KDM4C: variants seen among roughly 807,000 people sequenced by gnomAD.
KDM4C encodes lysine-specific demethylase 4C.
Under a neutral mutation model 129.3 loss-of-function variants are expected in KDM4C, and 81 were observed. That is an observed-to-expected ratio of 0.63 (90% CI 0.52 to 0.75). The LOEUF is 0.75. Among genes scored for constraint, KDM4C ranks in the 30% least tolerant of loss-of-function variants. KDM4C has a pLI of 0.00. For missense variants in KDM4C, 1,457 were observed against 1,304.0 expected (o/e 1.12, Z -1.81); for synonymous variants, 573 against 456.1 (o/e 1.26, Z -3.26).
intron 19 of KDM4C, among the ~76,000 whole-genome samples, chr9:7,158,787 C>G (rs942340215): frequency 1.3e-5 from 2 of 152,086 alleles, no homozygotes; most frequent in Non-Finnish European, 2.9e-5. Context: ...AGAATAAGTG[C>G]AATGTGGTGT....
intron 8 of KDM4C, among the ~76,000 whole-genome samples, chr9:6,925,972 C>T (rs1415201262): frequency 6.6e-6 from 1 of 152,116 alleles, no homozygotes; most frequent in African/African-American, 2.4e-5. Context: ...CAGTGGCTTC[C>T]GTAAAGTACC....
At chr9:7,076,891 T>G (rs1174103134) in intron 17 of KDM4C, 2 of 991,596 alleles carry the variant, frequency 2.0e-6, no homozygotes, top group Non-Finnish European at 2.4e-6. Flanking sequence ...ATCCTGAGGT[T>G]GTCTCCTGTA....
intron 17 of KDM4C, among the ~76,000 whole-genome samples, chr9:7,052,401 C>T (rs1472964127): frequency 6.6e-6 from 1 of 152,156 alleles, no homozygotes; most frequent in African/African-American, 2.4e-5. Flanking sequence ...GAATAAAAGG[C>T]AGCAAATCAT....
intron 1 of KDM4C, among the ~76,000 whole-genome samples, chr9:6,751,298 T>C (rs1414987526): frequency 1.3e-5 from 2 of 151,976 alleles, no homozygotes; most frequent in Non-Finnish European, 2.9e-5. Context: ...ATACAAAAAT[T>C]AGCCAGGCAT....
chr9:6,727,847 GA>G (rs1817187861), intron 1 of KDM4C, among the ~76,000 whole-genome samples: 2 of 150,084 alleles, frequency 1.3e-5, no homozygotes, highest in African/African-American at 4.9e-5. Flanking sequence ...TTCTCAGTAT[GA>G]AAAACCTGAA....
At chr9:7,055,093 G>A (rs547412322) in intron 17 of KDM4C, among the ~76,000 whole-genome samples, 7 of 152,208 alleles carry the variant, frequency 4.6e-5, no homozygotes, top group African/African-American at 1.7e-4. Flanking sequence ...CAGGAGAATT[G>A]CTTGAACCTG....
At chr9:6,984,545 A>T in intron 10 of KDM4C, 141 bp downstream of exon 10, 3 of 633,808 alleles carry the variant, frequency 4.7e-6, no homozygotes, top group Non-Finnish European at 8.5e-6. Context: ...TGGGTAACTC[A>T]ACCAATAGTC....
chr9:6,839,313 G>A (rs576177561), intron 4 of KDM4C, among the ~76,000 whole-genome samples: 4 of 151,864 alleles, frequency 2.6e-5, no homozygotes, highest in Middle Eastern at 3.4e-3. Context: ...CCCTGCAGCC[G>A]TGACCTCCTG....
At chr9:6,954,088 C>T (rs1185334653) in intron 8 of KDM4C, among the ~76,000 whole-genome samples, 1 of 152,222 alleles carries the variant, frequency 6.6e-6, no homozygotes, top group Non-Finnish European at 1.5e-5. Flanking sequence ...TCATTCTATG[C>T]TCACATCAAA....
rs545970092 is a variant in KDM4C, at chr9:6,779,406, A to G, written c.-17-13566A>G. The stretch of plus-strand genomic sequence containing the variant: ...ACCTGTAAGGCATTCTTGCTGGAGT[A>G]GATCTAGCAGAAGTAGCTTGGGTCT... On this transcript the variant is annotated intron_variant, in intron 1 of 21. Transcript: ENST00000381309. Among the ~76,000 whole-genome samples, 6 of 150,744 alleles carry G rather than the reference A, an allele frequency of 4.0e-5. No individual in the cohort carries two copies. The East Asian group carries it at 9.8e-4, about 25-fold the overall frequency.
At chr9:7,111,466 T>A (rs776270059) in intron 18 of KDM4C, among the ~76,000 whole-genome samples, 5 of 152,334 alleles carry the variant, frequency 3.3e-5, no homozygotes, top group Non-Finnish European at 5.9e-5. Context: ...ATTATCTTTT[T>A]ATTTTTTTTT....
intron 17 of KDM4C, among the ~76,000 whole-genome samples, chr9:7,064,075 A>G (rs1832079018): frequency 1.3e-5 from 2 of 152,336 alleles, no homozygotes; most frequent in South Asian, 2.1e-4. Context: ...TAAATTTGCT[A>G]TGTGTAAAAT....
At chr9:6,936,746 G>C (rs907924782) in intron 8 of KDM4C, among the ~76,000 whole-genome samples, 1 of 152,210 alleles carries the variant, frequency 6.6e-6, no homozygotes, top group Non-Finnish European at 1.5e-5. Flanking sequence ...AGGCTTTTGA[G>C]TAATAGGGAC....
intron 1 of KDM4C, among the ~76,000 whole-genome samples, chr9:6,737,050 C>CAAAA (rs566235532): frequency 2.7e-4 from 10 of 36,392 alleles, no homozygotes; most frequent in African/African-American, 3.8e-4. Flanking sequence ...GATTCTGTCT[C>CAAAA]AAAAAAAAAA....
At chr9:6,825,360 G>T (rs1211960826) in intron 4 of KDM4C, among the ~76,000 whole-genome samples, 1 of 152,150 alleles carries the variant, frequency 6.6e-6, no homozygotes, top group African/African-American at 2.4e-5. Flanking sequence ...GTGGTCCTCG[G>T]AAAACACCTT....
intron 5 of KDM4C, among the ~76,000 whole-genome samples, chr9:6,871,822 G>A (rs556719676): frequency 3.4e-4 from 52 of 152,240 alleles, no homozygotes; most frequent in African/African-American, 1.2e-3. Flanking sequence ...GGTGGTGGTA[G>A]GCTTTTTCTA....
intron 4 of KDM4C, among the ~76,000 whole-genome samples, chr9:6,826,052 T>A (rs1833815819): frequency 6.6e-6 from 1 of 152,198 alleles, no homozygotes; most frequent in Non-Finnish European, 1.5e-5. Flanking sequence ...CTTCAAGTGA[T>A]CTTCCTGCCT....
At chr9:6,915,434 ATGCC>A (rs570318337) in intron 8 of KDM4C, among the ~76,000 whole-genome samples, 297 of 152,296 alleles carry the variant, frequency 2.0e-3, no homozygotes, top group African/African-American at 6.8e-3. Flanking sequence ...ACACTTGGAG[ATGCC>A]TGCCACTTTG....
rs201317082 is a variant in KDM4C, at chr9:7,127,939, TA to T, written c.2611-122del. ...TTGAAATTATTCTTCAATATTAAGT[TA>T]AAAATTTTTTTTTTAAATCTTGGCC... On this transcript the variant is annotated intron_variant, in intron 18 of 21. Transcript: ENST00000381309. The T allele has an allele frequency of 4.7e-6, 4 of 859,738 alleles. No individual in the cohort carries two copies. The African/African-American group carries it at 7.1e-5, about 15-fold the overall frequency. 53.3% of individuals were successfully genotyped at this position (859,738 alleles called of 1,614,324 possible). A position where few individuals can be genotyped will look rare whatever the true frequency, so the allele number is the denominator to read the frequency against.
Sources: gnomAD v4.1 joint callset for allele counts (sites outside exome capture counted in the v4.1 genomes callset) on GRCh38, gnomAD v4.1.1 for gene constraint, MANE v1.5 for transcripts, NCBI Gene and HGNC (gene_info 2026-07-23, HGNC 2026-07-21) for gene names.